Variants in BRCC3 observed in about 807,000 individuals in gnomAD.
BRCC3 encodes lys-63-specific deubiquitinase BRCC36.
BRCC3 carries 15 observed loss-of-function variants against 28.0 expected under a neutral mutation model. The observed-to-expected ratio is 0.54, with a 90% CI of 0.36 to 0.82. The LOEUF is 0.82. Among genes scored for constraint, BRCC3 ranks in the 40% least tolerant of loss-of-function variants. The probability of loss-of-function intolerance (pLI) is 0.01; values close to 1 mark genes in which losing one functional copy is unlikely to be tolerated. For missense variants in BRCC3, 109 were observed against 225.9 expected, an observed-to-expected ratio of 0.48 and a Z score of 3.32; for synonymous variants, 66 against 80.3, an observed-to-expected ratio of 0.82 and a Z score of 0.95.
intron 7 of BRCC3, among the ~76,000 whole-genome samples, chrX:155,098,016 T>A (rs1184925260): frequency 3.6e-5 from 4 of 112,479 alleles, no homozygotes; most frequent in Non-Finnish European, 5.6e-5. Flanking sequence ...GAGATAGTTG[T>A]GCACCCATGT....
chrX:155,117,234 G>GA (rs1557298933), intron 9 of BRCC3, among the ~76,000 whole-genome samples: 1 of 112,276 alleles, frequency 8.9e-6, no homozygotes, highest in Admixed American at 9.4e-5. Context: ...GGTGGGAACT[G>GA]AAAGAGATGG....
At position 155,099,214 on chromosome X, in the gene BRCC3, G is replaced by A. The variant is rs1283729429; in HGVS notation, c.548+8375G>A. ...TTTTTTTTTTTTTGTGGTAAAAGAA[G>A]TCTGGAGATGGATATCAGGTCTCAG... On this transcript the variant is annotated intron_variant, in intron 7 of 10. Transcript: ENST00000330045. 4.7e-5 allele frequency: 30 copies of A among 641,443 alleles called. No homozygotes were observed. In the African/African-American group the frequency reaches 6.0e-4, roughly 13 times the overall value. The allele number at this position is 641,443 out of a possible 1,213,427, so 52.9% of individuals were successfully genotyped here.
chrX:155,089,154 A>C, intron 5 of BRCC3, 109 bp from the exon 6 acceptor site: 1 of 509,193 alleles, frequency 2.0e-6, no homozygotes, highest in Non-Finnish European at 3.3e-6. Flanking sequence ...GAATCCTAGG[A>C]AGATTATATG....
rs782117550 is a variant in BRCC3 at position 155,100,013 on chromosome X, C to T, written c.548+9174C>T. Among the ~76,000 whole-genome samples the T allele has an allele frequency of 2.0e-4, 22 of 111,626 alleles. 1 individual carries two copies. The highest frequency in any genetic ancestry group is 3.7e-4 in the South Asian group (1 of 2,687). On this transcript the variant is annotated intron_variant, in intron 7 of 10. Coordinates refer to ENST00000330045, the MANE Select transcript of BRCC3 (RefSeq NM_001018055.3). ...TAAATCAATTTTTAAGGTTATTACT[C>T]GATGTTTTTTAATATTCCGTTTTGA...
chrX:155,116,716 C>T lies in BRCC3; in HGVS notation c.686C>T (p.Thr229Ile). 1 of 1,177,037 alleles carries T rather than the reference C, an allele frequency of 8.5e-7. No individual in the cohort carries two copies. Among genetic ancestry groups the T allele is most frequent in the Non-Finnish European group, 1.1e-6 (1 of 872,599 alleles). The change falls in exon 9 of 11, where the codon ACA becomes ATA. Residue 229 changes from threonine (T) to isoleucine (I), a missense_variant. Around this residue, in one of 3 missense-constraint regions of BRCC3, gnomAD observed 50 missense variants for 115.2 expected, o/e 0.43. Coordinates refer to ENST00000330045, the MANE Select transcript of BRCC3 (RefSeq NM_001018055.3). ...TAAACTATTTTATTCTTTAGCCTTA[C>T]ACATCTGGACTCAGTAACCAAGATC... ...QDAYRRIHSLTHLDSVTKIHN... is the reference protein window; with the variant it reads ...QDAYRRIHSLIHLDSVTKIHN...
chrX:155,083,072 C>G (rs1235248306), intron 5 of BRCC3, among the ~76,000 whole-genome samples: 1 of 112,340 alleles, frequency 8.9e-6, no homozygotes, highest in Non-Finnish European at 1.9e-5. Flanking sequence ...TTCTCTGCCT[C>G]AAACTAACAT....
chrX:155,084,523 C>T (rs1290693512), intron 5 of BRCC3, among the ~76,000 whole-genome samples: 5 of 111,677 alleles, frequency 4.5e-5, no homozygotes, highest in Non-Finnish European at 7.5e-5. Flanking sequence ...CCACCACACC[C>T]GGCTAATTTT....
intron 3 of BRCC3, among the ~76,000 whole-genome samples, chrX:155,075,279 A>T (rs1249622848): frequency 2.0e-5 from 1 of 50,272 alleles, no homozygotes; most frequent in South Asian, 8.6e-4. Flanking sequence ...GATAATGCTA[A>T]GCCCACTCTT....
chrX:155,110,482 T>C (rs1321777321), intron 7 of BRCC3, among the ~76,000 whole-genome samples: 1 of 111,266 alleles, frequency 9.0e-6, no homozygotes, highest in African/African-American at 3.3e-5. Context: ...GTTCACAATA[T>C]CTTCTTATTA....
At chrX:155,072,665 G>T (rs1291750120) in intron 2 of BRCC3, among the ~76,000 whole-genome samples, 1 of 111,065 alleles carries the variant, frequency 9.0e-6, no homozygotes, top group African/African-American at 3.3e-5. Flanking sequence ...AGGTTCAAGC[G>T]ATTCTCATAC....
intron 8 of BRCC3, 31 bp downstream of exon 8, chrX:155,116,219 T>C: frequency 8.7e-7 from 1 of 1,144,847 alleles, no homozygotes; most frequent in Non-Finnish European, 1.2e-6. Context: ...TCTTCTCTAC[T>C]TCTCAGGACC....
chrX:155,074,690 A>T (rs2074016536), intron 3 of BRCC3, among the ~76,000 whole-genome samples: 1 of 112,529 alleles, frequency 8.9e-6, no homozygotes. Context: ...TCAAGATTTC[A>T]TGCCCTCGTC....
chrX:155,073,011 G>T (rs2074000206), intron 2 of BRCC3, among the ~76,000 whole-genome samples: 1 of 111,948 alleles, frequency 8.9e-6, no homozygotes, highest in African/African-American at 3.3e-5. Context: ...CCTCCTGATG[G>T]ACCTCAGTGA....
At chrX:155,114,162 A>G (rs2074339581) in intron 7 of BRCC3, among the ~76,000 whole-genome samples, 1 of 111,863 alleles carries the variant, frequency 8.9e-6, no homozygotes, top group Non-Finnish European at 1.9e-5. Context: ...TTACATACCT[A>G]TGTTCACAGC....
chrX:155,085,315 C>G (rs782201338), intron 5 of BRCC3, among the ~76,000 whole-genome samples: 1 of 112,823 alleles, frequency 8.9e-6, no homozygotes, highest in African/African-American at 3.2e-5. Flanking sequence ...TGTAATATCA[C>G]TGTGCACAAA....
intron 7 of BRCC3, among the ~76,000 whole-genome samples, chrX:155,101,010 C>T (rs1303622502): frequency 9.0e-6 from 1 of 110,617 alleles, no homozygotes; most frequent in Middle Eastern, 4.2e-3. Context: ...CCTCCCTCGT[C>T]ACCCTCCCAA....
chrX:155,073,320 T>C (rs985206068), intron 2 of BRCC3, 57 bp from the exon 3 acceptor site: 1 of 1,127,260 alleles, frequency 8.9e-7, no homozygotes. Context: ...TTGCTTTAAT[T>C]CCTTTTTATA....
chrX:155,074,076 C>G (rs1434310442), intron 3 of BRCC3, among the ~76,000 whole-genome samples: 1 of 112,110 alleles, frequency 8.9e-6, no homozygotes, highest in African/African-American at 3.2e-5. Flanking sequence ...ACTTCTCCAC[C>G]TTAATCACTT....
At chrX:155,085,697 G>A (rs782749531) in intron 5 of BRCC3, among the ~76,000 whole-genome samples, 69 of 112,152 alleles carry the variant, frequency 6.2e-4, no homozygotes, top group African/African-American at 2.2e-3. Flanking sequence ...CTTAATTTCC[G>A]GTGAGGATAA....
Sources: allele counts gnomAD v4.1 joint callset (sites outside exome capture counted in the v4.1 genomes callset), GRCh38; gene constraint gnomAD v4.1.1; regional missense constraint gnomAD v4.1.1; transcripts MANE v1.5; gene names NCBI Gene and HGNC (gene_info 2026-07-23, HGNC 2026-07-21).